Variants in SUGCT observed in about 807,000 individuals in gnomAD.
SUGCT encodes succinyl-CoA:glutarate CoA-transferase.
SUGCT carries 41 observed loss-of-function variants against 55.0 expected under a neutral mutation model. That is an observed-to-expected ratio of 0.74 (90% CI 0.58 to 0.97). The LOEUF is 0.97. Ranked by LOEUF, SUGCT falls within the 50% of genes least tolerant of loss-of-function variation. The pLI is 0.00. For synonymous variants in SUGCT, 187 were observed against 200.4 expected, an observed-to-expected ratio of 0.93 and a Z score of 0.56; for missense variants, 568 against 547.8, an observed-to-expected ratio of 1.04 and a Z score of -0.37.
intron 13 of SUGCT, among the ~76,000 whole-genome samples, chr7:40,776,604 CG>C (rs1789465961): frequency 1.3e-5 from 2 of 152,086 alleles, no homozygotes; most frequent in African/African-American, 4.8e-5. Context: ...TTACTTTCTA[CG>C]TATTATTTCA....
intron 6 of SUGCT, among the ~76,000 whole-genome samples, chr7:40,229,490 G>A (rs1171891302): frequency 1.3e-5 from 2 of 150,324 alleles, no homozygotes; most frequent in Non-Finnish European, 3.0e-5. Flanking sequence ...CTGAACTCCA[G>A]TCTGGGCAAT....
At chr7:40,332,388 A>G (rs992093132) in intron 9 of SUGCT, among the ~76,000 whole-genome samples, 3 of 151,778 alleles carry the variant, frequency 2.0e-5, no homozygotes, top group Non-Finnish European at 4.4e-5. Context: ...TAAGAGCATT[A>G]TGTATCTTAA....
chr7:40,361,506 G>A (rs1360894770), intron 9 of SUGCT, among the ~76,000 whole-genome samples: 16 of 151,812 alleles, frequency 1.1e-4, no homozygotes, highest in South Asian at 6.3e-4. Flanking sequence ...TGCAGGAGGC[G>A]GAGCTTGCAG....
At chr7:40,412,264 C>T (rs1786740493) in intron 9 of SUGCT, among the ~76,000 whole-genome samples, 1 of 152,216 alleles carries the variant, frequency 6.6e-6, no homozygotes, top group Non-Finnish European at 1.5e-5. Flanking sequence ...ACTGTTCATG[C>T]ACTTCTTTTC....
intron 12 of SUGCT, among the ~76,000 whole-genome samples, chr7:40,699,003 C>A (rs1470968344): frequency 6.6e-6 from 1 of 152,106 alleles, no homozygotes; most frequent in African/African-American, 2.4e-5. Flanking sequence ...ATCACACAGT[C>A]TTTTATGTGT....
chr7:40,401,247 T>C (rs570892390), intron 9 of SUGCT, among the ~76,000 whole-genome samples: 114 of 152,310 alleles, frequency 7.5e-4, no homozygotes, highest in African/African-American at 2.6e-3. Flanking sequence ...GGGCTCTTAT[T>C]ACACCAAACC....
chr7:40,554,876 G>A (rs189960179), intron 12 of SUGCT, among the ~76,000 whole-genome samples: 4 of 152,168 alleles, frequency 2.6e-5, no homozygotes. Flanking sequence ...TCTGCCTAAT[G>A]GTTCCTCATC....
chr7:40,804,471 C>T (rs903474478), intron 13 of SUGCT, among the ~76,000 whole-genome samples: 1 of 152,146 alleles, frequency 6.6e-6, no homozygotes, highest in Non-Finnish European at 1.5e-5. Flanking sequence ...GGGGATGCCA[C>T]ACCTCATCCT....
At chr7:40,406,929 C>A (rs547642276) in intron 9 of SUGCT, among the ~76,000 whole-genome samples, 1 of 152,112 alleles carries the variant, frequency 6.6e-6, no homozygotes, top group African/African-American at 2.4e-5. Flanking sequence ...TTTTGCTAAG[C>A]TTTAAATTAT....
At chr7:40,423,989 C>A (rs2151376254) in intron 9 of SUGCT, among the ~76,000 whole-genome samples, 1 of 152,020 alleles carries the variant, frequency 6.6e-6, no homozygotes, top group Admixed American at 6.6e-5. Flanking sequence ...TGGTAACAGA[C>A]AACTGATAAT....
At chr7:40,283,622 C>T (rs1793115148) in intron 8 of SUGCT, among the ~76,000 whole-genome samples, 1 of 152,094 alleles carries the variant, frequency 6.6e-6, no homozygotes, top group Non-Finnish European at 1.5e-5. Flanking sequence ...AAATTAAAAC[C>T]ACAACCTCAA....
chr7:40,912,367 A>G, the SUGCT span, among the ~76,000 whole-genome samples: 1 of 152,140 alleles, frequency 6.6e-6, no homozygotes. Flanking sequence ...TGTTAGTTAT[A>G]TCTGTGATTT....
chr7:40,524,183 A>G (rs887669096), intron 12 of SUGCT, among the ~76,000 whole-genome samples: 3 of 152,014 alleles, frequency 2.0e-5, no homozygotes, highest in Admixed American at 2.0e-4. Context: ...TAAGAGTTTT[A>G]TTTTCTAATT....
At chr7:40,658,160 C>G (rs1038484001) in intron 12 of SUGCT, among the ~76,000 whole-genome samples, 2 of 152,138 alleles carry the variant, frequency 1.3e-5, no homozygotes, top group African/African-American at 4.8e-5. Flanking sequence ...TCCATGAATT[C>G]TAGGCCTTCT....
At chr7:40,973,158 C>T in the SUGCT span, among the ~76,000 whole-genome samples, 1 of 152,226 alleles carries the variant, frequency 6.6e-6, no homozygotes, top group African/African-American at 2.4e-5. Flanking sequence ...CTCTCCTCCT[C>T]TGCAGCAGGT....
At chr7:40,383,526 G>A (rs1784972754) in intron 9 of SUGCT, among the ~76,000 whole-genome samples, 1 of 152,188 alleles carries the variant, frequency 6.6e-6, no homozygotes, top group Non-Finnish European at 1.5e-5. Flanking sequence ...TGATGTGAAA[G>A]ATGAGGAGGT....
chr7:40,373,838 T>C (rs1376399696), intron 9 of SUGCT, among the ~76,000 whole-genome samples: 1 of 152,298 alleles, frequency 6.6e-6, no homozygotes, highest in Admixed American at 6.5e-5. Context: ...GTAAGAATGT[T>C]TCAAATGCTT....
rs138984553 is a variant in SUGCT, at chr7:40,440,145, GTTTTTT to G, written c.817-9115_817-9110del. 5.2e-3 allele frequency among the ~76,000 whole-genome samples: 353 copies of G among 68,400 alleles called. 4 individuals are homozygous for G. The highest frequency in any genetic ancestry group is 0.023 in the African/African-American group (342 of 14,872). 44.9% of individuals were successfully genotyped at this position (68,400 alleles called of 152,430 possible). A position where few individuals can be genotyped will look rare whatever the true frequency, so the allele number is the denominator to read the frequency against. ...TCAAGTTTTTTGTCTGTGTGTGTGT[GTTTTTT>G]TTTTTTTTTTTTTTTTTTTTTTTTT... On this transcript the variant is annotated intron_variant, in intron 9 of 13. Coordinates refer to ENST00000335693, the MANE Select transcript of SUGCT (RefSeq NM_001193313.2).
the SUGCT span, among the ~76,000 whole-genome samples, chr7:41,023,112 C>T: frequency 6.6e-6 from 1 of 152,130 alleles, no homozygotes; most frequent in East Asian, 1.9e-4. Flanking sequence ...TAACAGTTCA[C>T]AGCATGTCAG....
Sources: gnomAD v4.1 joint callset for allele counts (sites outside exome capture counted in the v4.1 genomes callset) on GRCh38, gnomAD v4.1.1 for gene constraint, MANE v1.5 for transcripts, NCBI Gene and HGNC (gene_info 2026-07-23, HGNC 2026-07-21) for gene names.